The following LSAMP variants were observed in gnomAD, a reference collection of about 807,000 sequenced individuals.
The protein encoded by LSAMP is limbic system-associated membrane protein.
Under a neutral mutation model 38.6 loss-of-function variants are expected in LSAMP, and 7 were observed. The ratio of observed to expected loss-of-function variants is 0.18; its 90% CI spans 0.10 to 0.34. LSAMP has a LOEUF of 0.34. LSAMP is among the 10% of genes least tolerant of loss of function. The pLI, the probability that LSAMP is intolerant of heterozygous loss-of-function variation, is 1.00. For missense variants in LSAMP, 313 were observed against 420.0 expected (o/e 0.75, Z 2.23); for synonymous variants, 154 against 166.8 (o/e 0.92, Z 0.59).
intron 2 of LSAMP, among the ~76,000 whole-genome samples, chr3:116,037,824 T>C (rs145532713): frequency 3.3e-4 from 50 of 152,220 alleles, no homozygotes; most frequent in African/African-American, 1.0e-3. Context: ...GATATATATA[T>C]ATCAGTAATG....
At chr3:116,014,300 A>G (rs752707634) in intron 3 of LSAMP, among the ~76,000 whole-genome samples, 3 of 152,184 alleles carry the variant, frequency 2.0e-5, no homozygotes, top group Non-Finnish European at 4.4e-5. Flanking sequence ...GTGTGTTTAC[A>G]GAGTGAACAC....
intron 3 of LSAMP, among the ~76,000 whole-genome samples, chr3:115,914,717 G>A (rs1022642665): frequency 6.6e-6 from 1 of 152,100 alleles, no homozygotes; most frequent in African/African-American, 2.4e-5. Context: ...CTCATCAACA[G>A]GCAGAACTGC....
At chr3:116,060,508 C>G (rs1234172356) in intron 2 of LSAMP, among the ~76,000 whole-genome samples, 2 of 152,232 alleles carry the variant, frequency 1.3e-5, no homozygotes, top group Admixed American at 1.3e-4. Flanking sequence ...CGCCTGTAAT[C>G]CCAACACTTT....
chr3:116,192,959 CAATTT>C (rs1359713012), intron 1 of LSAMP, among the ~76,000 whole-genome samples: 1 of 152,136 alleles, frequency 6.6e-6, no homozygotes, highest in African/African-American at 2.4e-5. Flanking sequence ...CTTAATTAGA[CAATTT>C]TATAGTGCTT....
chr3:116,415,173 T>A (rs1050311458), intron 1 of LSAMP, among the ~76,000 whole-genome samples: 10 of 152,114 alleles, frequency 6.6e-5, no homozygotes, highest in Non-Finnish European at 1.0e-4. Flanking sequence ...TCTTTCTAAC[T>A]AAAGGCTCTC....
intron 1 of LSAMP, among the ~76,000 whole-genome samples, chr3:116,350,652 C>T (rs1297859148): frequency 6.6e-6 from 1 of 151,538 alleles, no homozygotes; most frequent in African/African-American, 2.4e-5. Flanking sequence ...TAATAATGGC[C>T]CCAAGGCACA....
chr3:116,188,699 A>G (rs1236581247), intron 1 of LSAMP, among the ~76,000 whole-genome samples: 4 of 152,206 alleles, frequency 2.6e-5, no homozygotes, highest in Non-Finnish European at 5.9e-5. Flanking sequence ...TGATGCGTTT[A>G]TTTGCTCACT....
At chr3:116,390,256 C>T (rs2048675361) in intron 1 of LSAMP, among the ~76,000 whole-genome samples, 1 of 151,792 alleles carries the variant, frequency 6.6e-6, no homozygotes, top group Non-Finnish European at 1.5e-5. Flanking sequence ...ATAAAGACAC[C>T]ATAACCAAGA....
intron 6 of LSAMP, among the ~76,000 whole-genome samples, chr3:115,826,275 C>T (rs995939020): frequency 2.0e-5 from 3 of 151,990 alleles, no homozygotes; most frequent in South Asian, 2.1e-4. Context: ...CCACCACGCC[C>T]GGCTAATTTT....
chr3:116,229,134 T>C (rs1185634032), intron 1 of LSAMP, among the ~76,000 whole-genome samples: 4 of 152,164 alleles, frequency 2.6e-5, no homozygotes, highest in Non-Finnish European at 5.9e-5. Context: ...ATAACTTATC[T>C]TGAAAGTGTT....
intron 2 of LSAMP, among the ~76,000 whole-genome samples, chr3:116,057,932 T>TAC (rs535645480): frequency 0.069 from 9,401 of 136,640 alleles, 440 homozygotes; most frequent in Middle Eastern, 0.16. Context: ...ATATAGTAGC[T>TAC]ACACACACAC....
chr3:116,219,115 T>C (rs1425962423), intron 1 of LSAMP, among the ~76,000 whole-genome samples: 1 of 152,200 alleles, frequency 6.6e-6, no homozygotes, highest in Non-Finnish European at 1.5e-5. Context: ...TTCCCCATTT[T>C]CCCCTGCTTC....
chr3:115,890,803 G>C (rs1466307652), intron 3 of LSAMP, among the ~76,000 whole-genome samples: 3 of 151,966 alleles, frequency 2.0e-5, no homozygotes, highest in East Asian at 3.9e-4. Context: ...CCAAAGGATA[G>C]CTATTGTGGT....
intron 1 of LSAMP, among the ~76,000 whole-genome samples, chr3:116,091,035 T>C (rs1330169984): frequency 6.6e-6 from 1 of 152,152 alleles, no homozygotes; most frequent in Non-Finnish European, 1.5e-5. Context: ...GGGAGCGCTA[T>C]GGGAGACTGG....
rs76459772 is a variant in LSAMP at position 116,077,723 on chromosome 3, G to A, written c.388+8601C>T. Among the ~76,000 whole-genome samples, 674 of 152,192 alleles carry A rather than the reference G, an allele frequency of 4.4e-3. 5 individuals carry two copies. The highest frequency in any genetic ancestry group is 0.015 in the African/African-American group (625 of 41,518). On this transcript the variant is annotated intron_variant, in intron 2 of 6. Transcript: ENST00000490035. ...CTACTTAAGTTTTGTCAATTGCTGCGTCATGCCTTGTCTAGAAAAAGGTCA... is the reference window on the plus strand; with the variant it reads ...CTACTTAAGTTTTGTCAATTGCTGCATCATGCCTTGTCTAGAAAAAGGTCA...
intron 1 of LSAMP, among the ~76,000 whole-genome samples, chr3:116,344,396 T>C (rs576268863): frequency 6.6e-6 from 1 of 152,124 alleles, no homozygotes; most frequent in South Asian, 2.1e-4. Context: ...CAGCCAAAGA[T>C]GGAAGAAGGG....
intron 3 of LSAMP, among the ~76,000 whole-genome samples, chr3:116,011,157 C>T (rs1184965630): frequency 6.6e-6 from 1 of 151,604 alleles, no homozygotes; most frequent in Non-Finnish European, 1.5e-5. Context: ...GCGCACGCCA[C>T]CACACCCAGC....
chr3:115,830,240 AGTT>A (rs1934566357), intron 6 of LSAMP, among the ~76,000 whole-genome samples: 1 of 152,218 alleles, frequency 6.6e-6, no homozygotes, highest in African/African-American at 2.4e-5. Flanking sequence ...AATCTGTGTG[AGTT>A]GGGCATACAT....
intron 1 of LSAMP, among the ~76,000 whole-genome samples, chr3:116,172,393 C>T (rs552900679): frequency 2.0e-5 from 3 of 150,408 alleles, no homozygotes; most frequent in Non-Finnish European, 4.4e-5. Flanking sequence ...GTTCTTTTAC[C>T]GTAATTGTCA....
Sources: gnomAD v4.1 joint callset for allele counts (sites outside exome capture counted in the v4.1 genomes callset) on GRCh38, gnomAD v4.1.1 for gene constraint, MANE v1.5 for transcripts, NCBI Gene and HGNC (gene_info 2026-07-23, HGNC 2026-07-21) for gene names.